Variants in GRID2 observed in about 807,000 individuals in gnomAD.
GRID2 encodes the protein glutamate receptor ionotropic, delta-2.
In GRID2, 33 loss-of-function variants were observed where a neutral mutation model predicts 114.8. The ratio of observed to expected loss-of-function variants is 0.29; its 90% CI spans 0.22 to 0.38. GRID2 has a LOEUF of 0.38. Ranked by LOEUF, GRID2 falls within the 10% of genes least tolerant of loss-of-function variation. The pLI is 1.00. For synonymous variants in GRID2, 505 were observed against 449.9 expected, an observed-to-expected ratio of 1.12 and a Z score of -1.55; for missense variants, 1,184 against 1,257.7, an observed-to-expected ratio of 0.94 and a Z score of 0.89.
rs535168338 is a variant in GRID2 at position 92,832,925 on chromosome 4, A to C, written c.244+242639A>C. Among the ~76,000 whole-genome samples, 833 of 152,314 alleles carry C rather than the reference A, an allele frequency of 5.5e-3. 5 individuals carry two copies. The highest frequency in any genetic ancestry group is 9.6e-3 in the Non-Finnish European group (652 of 68,018). On this transcript the variant is annotated intron_variant, in intron 2 of 15. Transcript: ENST00000282020. Reference sequence around the variant, plus strand: ...ATTCATAGTGTTCATAAGAAATAAGACGTTAATTAGGTCATAGGGAAAAGT... The same window carrying C: ...ATTCATAGTGTTCATAAGAAATAAGCCGTTAATTAGGTCATAGGGAAAAGT...
intron 3 of GRID2, among the ~76,000 whole-genome samples, chr4:93,101,329 T>G (rs1409210086): frequency 1.3e-5 from 2 of 152,074 alleles, no homozygotes; most frequent in African/African-American, 4.8e-5. Context: ...ATCTTAACTA[T>G]AGTCATCCTA....
intron 4 of GRID2, among the ~76,000 whole-genome samples, chr4:93,118,546 CT>C (rs1197202144): frequency 6.6e-6 from 1 of 152,178 alleles, no homozygotes; most frequent in East Asian, 1.9e-4. Flanking sequence ...AACTCACATT[CT>C]TCTCTAACTT....
intron 2 of GRID2, among the ~76,000 whole-genome samples, chr4:92,717,167 ATTC>A (rs1735591040): frequency 6.6e-6 from 1 of 152,122 alleles, no homozygotes; most frequent in Non-Finnish European, 1.5e-5. Context: ...ACCTATCTCC[ATTC>A]TTCTTTATGG....
At chr4:92,653,213 T>A (rs1560512903) in intron 2 of GRID2, among the ~76,000 whole-genome samples, 1 of 150,140 alleles carries the variant, frequency 6.7e-6, no homozygotes. Flanking sequence ...TTGGCCAGGC[T>A]GGTCTTGAAC....
intron 2 of GRID2, among the ~76,000 whole-genome samples, chr4:93,059,498 A>C (rs530152613): frequency 2.0e-5 from 3 of 152,246 alleles, no homozygotes; most frequent in African/African-American, 7.2e-5. Flanking sequence ...ATGTATGCAG[A>C]TATTGTCAAG....
intron 1 of GRID2, among the ~76,000 whole-genome samples, chr4:92,351,010 T>C (rs1728041611): frequency 6.6e-6 from 1 of 151,954 alleles, no homozygotes; most frequent in Admixed American, 6.6e-5. Context: ...CAGTACTTCA[T>C]ACTTTTTTAT....
chr4:93,110,996 T>C, intron 4 of GRID2, 43 bp downstream of exon 4: 1 of 1,286,878 alleles, frequency 7.8e-7, no homozygotes, highest in African/African-American at 1.5e-5. Flanking sequence ...ACAAAACAAT[T>C]AAAAGCTTTG....
intron 2 of GRID2, among the ~76,000 whole-genome samples, chr4:92,846,202 T>C (rs1202048333): frequency 2.0e-5 from 3 of 152,116 alleles, no homozygotes; most frequent in Non-Finnish European, 2.9e-5. Context: ...GGGCTACATA[T>C]GCAGGTTTGT....
chr4:92,738,246 T>A (rs750792196), intron 2 of GRID2, among the ~76,000 whole-genome samples: 1 of 152,104 alleles, frequency 6.6e-6, no homozygotes, highest in Non-Finnish European at 1.5e-5. Flanking sequence ...AACTTGTATA[T>A]CATAAGCTCT....
intron 2 of GRID2, among the ~76,000 whole-genome samples, chr4:92,947,062 T>G (rs1369380324): frequency 1.3e-5 from 2 of 152,074 alleles, no homozygotes; most frequent in Admixed American, 1.3e-4. Flanking sequence ...CTAATAATTT[T>G]GTAGGTAGTC....
intron 4 of GRID2, among the ~76,000 whole-genome samples, chr4:93,128,154 C>T (rs565273269): frequency 2.7e-5 from 4 of 149,432 alleles, no homozygotes; most frequent in East Asian, 4.0e-4. Flanking sequence ...AGTCAGTATG[C>T]CTAACTCCCA....
intron 2 of GRID2, among the ~76,000 whole-genome samples, chr4:92,797,529 TTTAAG>T (rs1395055354): frequency 6.6e-6 from 1 of 152,032 alleles, no homozygotes; most frequent in African/African-American, 2.4e-5. Flanking sequence ...TGCATATATT[TTTAAG>T]TTAACGTAAA....
intron 1 of GRID2, among the ~76,000 whole-genome samples, chr4:92,551,254 CTGTG>C (rs34809917): frequency 0.015 from 2,175 of 146,892 alleles, 35 homozygotes; most frequent in African/African-American, 0.04. Context: ...ACATCTACAC[CTGTG>C]TGTGTGTGTG....
intron 10 of GRID2, among the ~76,000 whole-genome samples, chr4:93,445,171 G>A (rs1001211931): frequency 3.3e-5 from 5 of 151,960 alleles, no homozygotes; most frequent in Non-Finnish European, 5.9e-5. Context: ...AATGTTAATA[G>A]GATGACTTGT....
intron 2 of GRID2, among the ~76,000 whole-genome samples, chr4:92,660,299 C>G (rs562030663): frequency 6.6e-6 from 1 of 151,278 alleles, no homozygotes; most frequent in Non-Finnish European, 1.5e-5. Context: ...ATTTTTCAAG[C>G]TGCTATCCCT....
At chr4:92,734,922 G>C (rs1324202258) in intron 2 of GRID2, among the ~76,000 whole-genome samples, 1 of 151,688 alleles carries the variant, frequency 6.6e-6, no homozygotes, top group South Asian at 2.1e-4. Context: ...GGGAGTACAG[G>C]CATGTACGAT....
chr4:93,203,228 C>T (rs1287676055), intron 4 of GRID2, among the ~76,000 whole-genome samples: 1 of 152,092 alleles, frequency 6.6e-6, no homozygotes, highest in Admixed American at 6.6e-5. Flanking sequence ...AGATGTTAAC[C>T]TAGACCTAGG....
At chr4:92,478,385 G>T (rs150913673) in intron 1 of GRID2, among the ~76,000 whole-genome samples, 1 of 152,006 alleles carries the variant, frequency 6.6e-6, no homozygotes, top group Non-Finnish European at 1.5e-5. Context: ...CCATAAAATT[G>T]CATTTTAGTA....
intron 14 of GRID2, among the ~76,000 whole-genome samples, chr4:93,751,974 T>G (rs1319815157): frequency 1.4e-5 from 2 of 147,834 alleles, no homozygotes; most frequent in Non-Finnish European, 3.0e-5. Context: ...TGAACATTCT[T>G]TTTTTTTTTT....
Sources: gnomAD v4.1 joint callset for allele counts (sites outside exome capture counted in the v4.1 genomes callset) on GRCh38, gnomAD v4.1.1 for gene constraint, MANE v1.5 for transcripts, NCBI Gene and HGNC (gene_info 2026-07-23, HGNC 2026-07-21) for gene names.